KIF3A: variants seen among roughly 807,000 people sequenced by gnomAD.
The protein encoded by KIF3A is kinesin-like protein KIF3A.
KIF3A carries 27 observed loss-of-function variants against 92.6 expected under a neutral mutation model. That is an observed-to-expected ratio of 0.29 (90% CI 0.21 to 0.40). KIF3A has a LOEUF of 0.40. Among genes scored for constraint, KIF3A ranks in the 10% least tolerant of loss-of-function variants. KIF3A has a pLI of 1.00. For synonymous variants in KIF3A, 250 were observed against 275.4 expected (o/e 0.91, Z 0.92); for missense variants, 581 against 872.6 (o/e 0.67, Z 4.21).
In KIF3A at chr5:132,730,714, G is replaced by A. The variant is rs574664100; in HGVS notation, c.280+3491C>T. 1.6e-3 allele frequency among the ~76,000 whole-genome samples: 243 copies of A among 151,790 alleles called. 1 individual carries two copies. The highest frequency in any genetic ancestry group is 5.5e-3 in the African/African-American group (229 of 41,420). ...GGGGGCTGAAGTGGGAGGATCGCTT[G>A]AGCCCGGGAGGTAGACGCTAAGTGA... On this transcript the variant is annotated intron_variant, in intron 2 of 18. Coordinates refer to ENST00000403231, the MANE Select transcript of KIF3A (RefSeq NM_001300791.2).
Position 132,734,327 on chromosome 5 carries a change from G to A in KIF3A, c.158C>T (p.Ser53Phe), listed in dbSNP as rs202001696. ...AAATGTCTTTGGAGGTTCATTGGAAGAATCAGTCTTATGTACAGTGATAGT... is the reference window on the plus strand; with the variant it reads ...AAATGTCTTTGGAGGTTCATTGGAAAAATCAGTCTTATGTACAGTGATAGT... ...RGTITVHKTD[S>F]SNEPPKTFTF... Residue 53 changes from serine (S) to phenylalanine (F), a missense_variant, in exon 2 of 19, where the codon TCT (serine) becomes TTT (phenylalanine). Ser to Phe is a radical substitution (Grantham distance 155). This residue lies in a region of KIF3A where 217 missense variants were observed against 299.7 expected (regional missense o/e 0.72). Transcript: ENST00000403231. The A allele has an allele frequency of 6.2e-7, 1 of 1,613,990 alleles. No individual in the cohort carries two copies. The highest frequency in any genetic ancestry group is 8.5e-7 in the Non-Finnish European group (1 of 1,180,016).
At position 132,693,309 on chromosome 5, in the gene KIF3A, T is replaced by C. The variant is rs1354755370; in HGVS notation, c.*3325A>G. On this transcript the variant is annotated 3_prime_UTR_variant, in exon 19 of 19. Transcript: ENST00000403231. ...TGCTTTATAAGAATCTAAACACAAA[T>C]AGGAAACACGATGATAATTTTAACA... 1 of 152,194 alleles carries C rather than the reference T, an allele frequency of 6.6e-6. No individual in the cohort carries two copies. Among genetic ancestry groups the C allele is most frequent in the Non-Finnish European group, 1.5e-5 (1 of 67,994 alleles). 9.4% of individuals were successfully genotyped at this position (152,194 alleles called of 1,614,324 possible).
At chr5:132,700,367 T>A in intron 16 of KIF3A, 83 bp from the exon 17 acceptor site, 1 of 857,078 alleles carries the variant, frequency 1.2e-6, no homozygotes, top group Non-Finnish European at 1.9e-6. Flanking sequence ...TGAGAAATCC[T>A]AACATTACAC....
At position 132,703,519 on chromosome 5, in the gene KIF3A, T is replaced by C; in HGVS notation, c.1410A>G (p.Glu470=). 1 of 1,611,088 alleles carries C rather than the reference T, an allele frequency of 6.2e-7. No individual in the cohort carries two copies. The highest frequency in any genetic ancestry group is 8.5e-7 in the Non-Finnish European group (1 of 1,178,002). Residue 470 remains glutamate (E), a synonymous_variant, in exon 12 of 19, where the codon GAA becomes GAG. Transcript: ENST00000403231. The part of the protein sequence containing the change: ...LETKLDMEEE[E]RNKARAELEK... Reference sequence around the variant, plus strand: ...CTAATTCAGCTCTAGCCTTGTTTCTTTCTTCTTCTTCCATGTCGAGCTTTG... The same window carrying C: ...CTAATTCAGCTCTAGCCTTGTTTCTCTCTTCTTCTTCCATGTCGAGCTTTG...
chr5:132,699,316 C>T (rs758618192), intron 17 of KIF3A, 21 bp from the exon 18 acceptor site: 5 of 1,611,102 alleles, frequency 3.1e-6, no homozygotes, highest in Non-Finnish European at 2.5e-6. Flanking sequence ...GAAACAAACA[C>T]AAAGCACTCT....
chr5:132,737,439 C>T lies in KIF3A; in HGVS notation c.-20G>A. ...CGGCATCTTGGCCCCCTCCCGTGCCCGGCGGACGTCCCCGCCCGGGGTGCA... is the reference window on the plus strand; with the variant it reads ...CGGCATCTTGGCCCCCTCCCGTGCCTGGCGGACGTCCCCGCCCGGGGTGCA... On this transcript the variant is annotated 5_prime_UTR_variant, in exon 1 of 19. Coordinates refer to ENST00000403231, the MANE Select transcript of KIF3A (RefSeq NM_001300791.2). The T allele has an allele frequency of 1.2e-6, 2 of 1,603,208 alleles. No homozygotes were observed. Among genetic ancestry groups the T allele is most frequent in the South Asian group, 1.1e-5 (1 of 89,308 alleles).
At chr5:132,724,793 A>T (rs1431977366) in intron 4 of KIF3A, among the ~76,000 whole-genome samples, 14 of 15,418 alleles carry the variant, frequency 9.1e-4, no homozygotes, top group Non-Finnish European at 1.3e-3. Flanking sequence ...AAAGTATAAT[A>T]AAAAAAAAAA....
chr5:132,737,373 A>G, intron 1 of KIF3A, 41 bp downstream of exon 1: 1 of 1,591,486 alleles, frequency 6.3e-7, no homozygotes, highest in Non-Finnish European at 8.5e-7. Flanking sequence ...CCAGGCCGCT[A>G]GGATGAGAAG....
chr5:132,722,437 A>G (rs1753856201), intron 4 of KIF3A, among the ~76,000 whole-genome samples: 1 of 152,182 alleles, frequency 6.6e-6, no homozygotes, highest in Non-Finnish European at 1.5e-5. Flanking sequence ...AAATTTGCGC[A>G]AGAGTTTCTG....
At chr5:132,710,570 C>T (rs1226620856) in intron 9 of KIF3A, among the ~76,000 whole-genome samples, 1 of 152,118 alleles carries the variant, frequency 6.6e-6, no homozygotes, top group Non-Finnish European at 1.5e-5. Context: ...GAGCCGAGAT[C>T]GCGCCACTGC....
downstream of KIF3A, chr5:132,689,632 G>A (rs1313870907): frequency 6.6e-6 from 1 of 152,230 alleles, no homozygotes; most frequent in East Asian, 1.9e-4. Context: ...GATGGACAAT[G>A]TCTTCAGCAG....
intron 1 of KIF3A, 101 bp from the exon 2 acceptor site, chr5:132,734,579 C>T (rs1282892311): frequency 1.0e-6 from 1 of 976,890 alleles, no homozygotes; most frequent in Admixed American, 2.9e-5. Flanking sequence ...CAACTCAGTG[C>T]CTTGCACACA....
chr5:132,728,004 G>T (rs1474711476), intron 2 of KIF3A, among the ~76,000 whole-genome samples: 2 of 152,120 alleles, frequency 1.3e-5, no homozygotes, highest in Non-Finnish European at 2.9e-5. Context: ...GAATAAAAAA[G>T]TCTTAATTTT....
At chr5:132,699,135 T>A (rs1408101090) in intron 18 of KIF3A, 36 bp downstream of exon 18, 4 of 1,600,764 alleles carry the variant, frequency 2.5e-6, no homozygotes, top group Non-Finnish European at 3.4e-6. Flanking sequence ...AATACCTCAA[T>A]GCCTTCGTTT....
At position 132,695,298 on chromosome 5, in the gene KIF3A, A is replaced by C. The variant is rs989441945; in HGVS notation, c.*1336T>G. 3 of 152,148 alleles carry C rather than the reference A, an allele frequency of 2.0e-5. No individual in the cohort carries two copies. The highest frequency in any genetic ancestry group is 4.4e-5 in the Non-Finnish European group (3 of 68,090). 9.4% of individuals were successfully genotyped at this position (152,148 alleles called of 1,614,324 possible). A position where few individuals can be genotyped will look rare whatever the true frequency, so the allele number is the denominator to read the frequency against. On this transcript the variant is annotated 3_prime_UTR_variant, in exon 19 of 19. Transcript: ENST00000403231. The stretch of plus-strand genomic sequence containing the variant: ...GTGATTCTCCTGCCTCAGCCTCCCA[A>C]GTAGCTGGGATTACAGGTGTGCGCC...
chr5:132,723,132 G>A (rs185090486), intron 4 of KIF3A: 2 of 152,270 alleles, frequency 1.3e-5, no homozygotes, highest in East Asian at 3.9e-4. Flanking sequence ...ACAAACCACT[G>A]CTCAATGAAA....
At chr5:132,711,167 A>T (rs1753410533) in intron 8 of KIF3A, 110 bp from the exon 9 acceptor site, 2 of 898,344 alleles carry the variant, frequency 2.2e-6, no homozygotes, top group African/African-American at 1.6e-5. Context: ...GCAAACAACA[A>T]ATTTAAATAC....
Position 132,703,046 on chromosome 5 carries a change from G to A in KIF3A, c.1486C>T (p.Leu496=). Residue 496 remains leucine, a synonymous_variant, in exon 13 of 19, where the codon CTG becomes TTG. Transcript: ENST00000403231. Reference sequence around the variant, plus strand: ...TTTTCCAGGGCAGATAATTTTTCCAGCAAAGACTGATGCTCTTGTCTGTTG... The same window carrying A: ...TTTTCCAGGGCAGATAATTTTTCCAACAAAGACTGATGCTCTTGTCTGTTG... ...LKAQQEHQSL[L]EKLSALEKKV... 6.2e-7 allele frequency: 1 copy of A among 1,611,274 alleles called. No individual in the cohort carries two copies. The highest frequency in any genetic ancestry group is 8.5e-7 in the Non-Finnish European group (1 of 1,179,180).
chr5:132,725,201 C>T (rs1018360910), intron 4 of KIF3A, among the ~76,000 whole-genome samples: 2 of 151,850 alleles, frequency 1.3e-5, no homozygotes. Flanking sequence ...AAGTTGAAAA[C>T]CAGCAACAAA....
Sources: allele counts gnomAD v4.1 joint callset (sites outside exome capture counted in the v4.1 genomes callset), GRCh38; gene constraint gnomAD v4.1.1; regional missense constraint gnomAD v4.1.1; transcripts MANE v1.5; gene names NCBI Gene and HGNC (gene_info 2026-07-23, HGNC 2026-07-21).